WDFY3: variants seen among roughly 807,000 people sequenced by gnomAD.
WDFY3 encodes WD repeat and FYVE domain-containing protein 3.
A neutral mutation model predicts 409.6 loss-of-function variants in WDFY3; 66 were observed. The ratio of observed to expected loss-of-function variants is 0.16; its 90% CI spans 0.13 to 0.20. The LOEUF is 0.20. Ranked by LOEUF, WDFY3 falls within the 10% of genes least tolerant of loss-of-function variation. The pLI is 1.00. For synonymous variants in WDFY3, 1,521 were observed against 1,537.1 expected, an observed-to-expected ratio of 0.99 and a Z score of 0.25; for missense variants, 3,031 against 4,298.1, an observed-to-expected ratio of 0.71 and a Z score of 8.24.
intron 49 of WDFY3, among the ~76,000 whole-genome samples, chr4:84,716,072 G>A (rs1222560355): frequency 6.6e-6 from 1 of 152,034 alleles, no homozygotes; most frequent in African/African-American, 2.4e-5. Context: ...TTAAACAAGA[G>A]AAATGCATTA....
intron 4 of WDFY3, among the ~76,000 whole-genome samples, chr4:84,851,381 T>C (rs1465030265): frequency 6.6e-6 from 1 of 152,158 alleles, no homozygotes; most frequent in African/African-American, 2.4e-5. Context: ...CTCAACTTCA[T>C]ATTCTCCCAA....
intron 1 of WDFY3, among the ~76,000 whole-genome samples, chr4:84,947,922 C>T (rs958501676): frequency 2.6e-5 from 4 of 151,960 alleles, no homozygotes; most frequent in African/African-American, 7.2e-5. Flanking sequence ...AAAATTCCTG[C>T]TAATGAGATC....
At chr4:84,735,164 T>C (rs777878125) in intron 42 of WDFY3, 44 bp from the exon 43 acceptor site, 4 of 1,542,244 alleles carry the variant, frequency 2.6e-6, no homozygotes, top group East Asian at 4.5e-5. Context: ...CATGGATTTC[T>C]GGAAAAAAAT....
At chr4:84,916,912 A>T (rs1301473203) in intron 2 of WDFY3, among the ~76,000 whole-genome samples, 1 of 152,158 alleles carries the variant, frequency 6.6e-6, no homozygotes, top group African/African-American at 2.4e-5. Flanking sequence ...ATGATAAAAG[A>T]TGTTTGCTGG....
intron 5 of WDFY3, among the ~76,000 whole-genome samples, chr4:84,844,722 T>G (rs1757849494): frequency 6.6e-6 from 1 of 152,230 alleles, no homozygotes; most frequent in Admixed American, 6.5e-5. Flanking sequence ...AGGTAGGAAT[T>G]TTCTGCTTTG....
At chr4:84,772,735 A>G (rs528206921) in intron 30 of WDFY3, 100 bp downstream of exon 30, 8 of 906,576 alleles carry the variant, frequency 8.8e-6, no homozygotes, top group Middle Eastern at 2.3e-4. Context: ...TACATATATT[A>G]TATATAATCA....
chr4:84,958,379 A>G (rs1470574244), intron 1 of WDFY3, among the ~76,000 whole-genome samples: 1 of 152,236 alleles, frequency 6.6e-6, no homozygotes, highest in Non-Finnish European at 1.5e-5. Context: ...AAGCAGTTCT[A>G]TAATTCAACA....
rs192659029 is a variant in WDFY3 at position 84,827,894 on chromosome 4, A to G, written c.957-913T>C. On this transcript the variant is annotated intron_variant, in intron 9 of 67. Transcript: ENST00000295888. ...TGCTTTGGGAGGCTAAGGCAGGAGG[A>G]CTGCTTGAGGCTAGAGTTTGGCACC... Among the ~76,000 whole-genome samples, 411 of 152,220 alleles carry G rather than the reference A, an allele frequency of 2.7e-3. 1 individual carries two copies. Among genetic ancestry groups the G allele is most frequent in the African/African-American group, 9.5e-3 (395 of 41,538 alleles).
chr4:84,827,089 C>T, intron 9 of WDFY3, 108 bp from the exon 10 acceptor site: 1 of 1,182,408 alleles, frequency 8.5e-7, no homozygotes, highest in South Asian at 1.6e-5. Flanking sequence ...GTATAAAGTA[C>T]TCTGGGAAGT....
intron 1 of WDFY3, among the ~76,000 whole-genome samples, chr4:84,937,992 C>T (rs886455485): frequency 6.6e-6 from 1 of 152,062 alleles, no homozygotes; most frequent in Non-Finnish European, 1.5e-5. Flanking sequence ...GCATAGTACT[C>T]TTATGCTTTG....
intron 62 of WDFY3, among the ~76,000 whole-genome samples, chr4:84,686,146 A>C: frequency 6.6e-6 from 1 of 152,156 alleles, no homozygotes; most frequent in East Asian, 1.9e-4. Context: ...TCTACTAAAA[A>C]TACAAAAAAA....
intron 30 of WDFY3, among the ~76,000 whole-genome samples, chr4:84,766,600 C>T (rs1198361876): frequency 6.6e-6 from 1 of 152,196 alleles, no homozygotes; most frequent in East Asian, 1.9e-4. Context: ...GATAATAAGG[C>T]TGTGAGATAT....
chr4:84,743,774 G>A lies in WDFY3; in HGVS notation c.5999C>T (p.Thr2000Ile). The change falls in exon 37 of 68, where the codon ACT becomes ATT. Residue 2000 changes from threonine (T) to isoleucine (I), a missense_variant. Physicochemically the swap from Thr to Ile is moderately conservative, Grantham distance 89. Around this residue, in one of 16 missense-constraint regions of WDFY3, gnomAD observed 314 missense variants for 397.4 expected, o/e 0.79. Coordinates refer to ENST00000295888, the MANE Select transcript of WDFY3 (RefSeq NM_014991.6). ...LEASPERSTR[T>I]QQKEFQTYIL... ...GTAAGTTTGAAATTCTTTTTGCTGA[G>A]TTCTTGTAGACCTTTCAGGGGAAGC... 1 of 1,595,146 alleles carries A rather than the reference G, an allele frequency of 6.3e-7. No individual in the cohort carries two copies. Among genetic ancestry groups the A allele is most frequent in the Non-Finnish European group, 8.6e-7 (1 of 1,168,474 alleles).
intron 30 of WDFY3, among the ~76,000 whole-genome samples, chr4:84,768,310 C>T (rs1432530003): frequency 6.6e-6 from 1 of 152,242 alleles, no homozygotes; most frequent in Non-Finnish European, 1.5e-5. Flanking sequence ...AGATTTTTTT[C>T]CAACAACTTC....
In WDFY3 at chr4:84,780,174, G is replaced by A; in HGVS notation, c.4299C>T (p.Ala1433=). 2 of 1,613,428 alleles carry A rather than the reference G, an allele frequency of 1.2e-6. No homozygotes were observed. The highest frequency in any genetic ancestry group is 1.7e-5 in the Admixed American group (1 of 59,914). The part of the protein sequence containing the change: ...DVEGLYAAVK[A]LVCVVKSNPL... Reference sequence around the variant, plus strand: ...GGTTACTCTTGACCACACAAACCAGGGCCTTGACTGCTGCATATAACCCTT... The same window carrying A: ...GGTTACTCTTGACCACACAAACCAGAGCCTTGACTGCTGCATATAACCCTT... The change falls in exon 26 of 68, where the codon GCC becomes GCT. Residue 1433 remains alanine, a synonymous_variant. Coordinates refer to ENST00000295888, the MANE Select transcript of WDFY3 (RefSeq NM_014991.6).
intron 37 of WDFY3, among the ~76,000 whole-genome samples, chr4:84,743,261 C>T (rs1738775654): frequency 6.6e-6 from 1 of 152,060 alleles, no homozygotes; most frequent in African/African-American, 2.4e-5. Flanking sequence ...TAGATACAGA[C>T]ATACAGAAAA....
At chr4:84,696,679 T>C (rs1730208415) in intron 57 of WDFY3, 53 bp downstream of exon 57, 6 of 1,568,538 alleles carry the variant, frequency 3.8e-6, no homozygotes, top group Middle Eastern at 1.7e-4. Context: ...CTTTGTATTA[T>C]GTTCAATGAC....
intron 1 of WDFY3, among the ~76,000 whole-genome samples, chr4:84,935,274 T>C (rs1014033374): frequency 6.6e-6 from 1 of 152,200 alleles, no homozygotes; most frequent in Non-Finnish European, 1.5e-5. Context: ...TAACTTTTCA[T>C]GATGATGCCA....
intron 7 of WDFY3, 127 bp downstream of exon 7, chr4:84,836,802 T>C (rs895499313): frequency 2.4e-5 from 20 of 827,834 alleles, no homozygotes; most frequent in South Asian, 5.0e-5. Flanking sequence ...TTATATGAGA[T>C]AAAGTCATAC....
Sources: gnomAD v4.1 joint callset for allele counts (sites outside exome capture counted in the v4.1 genomes callset) on GRCh38, gnomAD v4.1.1 for gene constraint, gnomAD v4.1.1 regional missense constraint, MANE v1.5 for transcripts, NCBI Gene and HGNC (gene_info 2026-07-23, HGNC 2026-07-21) for gene names.